Variants in SGCE observed in about 807,000 individuals in gnomAD.
SGCE encodes the protein sarcoglycan epsilon.
Under a neutral mutation model 57.8 loss-of-function variants are expected in SGCE, and 26 were observed. The ratio of observed to expected loss-of-function variants is 0.45; its 90% confidence interval spans 0.33 to 0.62. SGCE has a LOEUF of 0.62. SGCE is among the 20% of genes least tolerant of loss of function. SGCE has a pLI of 0.02. For synonymous variants in SGCE, 183 were observed against 189.5 expected, an observed-to-expected ratio of 0.97 and a Z score of 0.28; for missense variants, 468 against 548.6, an observed-to-expected ratio of 0.85 and a Z score of 1.47.
chr7:94,597,106 A>G (rs1798516630), intron 9 of SGCE: 1 of 152,104 alleles, frequency 6.6e-6, no homozygotes. Flanking sequence ...ACCACCAGAG[A>G]GCATAGAAAC....
chr7:94,612,084 T>G (rs1801128828), intron 5 of SGCE, among the ~76,000 whole-genome samples: 1 of 152,212 alleles, frequency 6.6e-6, no homozygotes, highest in Non-Finnish European at 1.5e-5. Context: ...TTTTCCTTGG[T>G]AATTGTGAAA....
chr7:94,633,414 G>C (rs950179139), intron 1 of SGCE, among the ~76,000 whole-genome samples: 9 of 152,062 alleles, frequency 5.9e-5, no homozygotes, highest in Non-Finnish European at 5.9e-5. Context: ...GAGCCAAAGG[G>C]TTATGTAAGC....
intron 1 of SGCE, among the ~76,000 whole-genome samples, chr7:94,646,891 T>C (rs549072054): frequency 3.3e-5 from 5 of 152,350 alleles, no homozygotes; most frequent in Admixed American, 6.5e-5. Context: ...TCCAATAGTA[T>C]AACCAGGAGG....
intron 4 of SGCE, chr7:94,621,304 CACAAAAAGCAGAGGA>C (rs1261036866): frequency 6.6e-6 from 1 of 152,242 alleles, no homozygotes; most frequent in Non-Finnish European, 1.5e-5. Context: ...ACTAACCCTA[CACAAAAAGCAGAGGA>C]ACAAGCACTG....
chr7:94,595,378 C>G (rs1272640097), intron 9 of SGCE, among the ~76,000 whole-genome samples: 3 of 152,018 alleles, frequency 2.0e-5, no homozygotes, highest in Non-Finnish European at 4.4e-5. Context: ...AAACCTTTAG[C>G]CATATCCATG....
intron 1 of SGCE, among the ~76,000 whole-genome samples, chr7:94,632,862 T>C (rs35169617): frequency 1.7e-3 from 263 of 152,110 alleles, no homozygotes; most frequent in Middle Eastern, 3.4e-3. Flanking sequence ...GTGAGCTATA[T>C]AAATAAAGCT....
Position 94,599,692 on chromosome 7 carries a change from C to G in SGCE, c.1064+5G>C, listed in dbSNP as rs767951166. 5.0e-6 allele frequency: 8 copies of G among 1,609,560 alleles called. No individual in the cohort carries two copies. Among genetic ancestry groups the G allele is most frequent in the Non-Finnish European group, 6.8e-6 (8 of 1,176,276 alleles). ...GAAGAAAATAACAGGAAAGAAGACACTTACTCTGGTGTTTGCATGTTTCTC... is the reference window on the plus strand; with the variant it reads ...GAAGAAAATAACAGGAAAGAAGACAGTTACTCTGGTGTTTGCATGTTTCTC... On this transcript the variant is annotated splice_donor_5th_base_variant and intron_variant, in intron 8 of 10. Coordinates refer to ENST00000648936, the MANE Select transcript of SGCE (RefSeq NM_003919.3).
intron 4 of SGCE, chr7:94,619,627 TC>T (rs1802471735): frequency 2.0e-5 from 3 of 152,242 alleles, no homozygotes; most frequent in African/African-American, 7.2e-5. Flanking sequence ...CTAATTGTTC[TC>T]TTACGATAAA....
chr7:94,606,776 G>T (rs899621660), intron 5 of SGCE, among the ~76,000 whole-genome samples: 4 of 152,102 alleles, frequency 2.6e-5, no homozygotes, highest in Admixed American at 6.5e-5. Flanking sequence ...CTCAGACCCC[G>T]GTAGAATTAA....
At chr7:94,595,207 T>C (rs1798218948) in intron 9 of SGCE, among the ~76,000 whole-genome samples, 1 of 152,170 alleles carries the variant, frequency 6.6e-6, no homozygotes, top group Non-Finnish European at 1.5e-5. Context: ...AAAAAGAAAA[T>C]ATTACTATGT....
At chr7:94,629,993 T>C in intron 1 of SGCE, 152 bp from the exon 2 acceptor site, 1 of 845,254 alleles carries the variant, frequency 1.2e-6, no homozygotes, top group Non-Finnish European at 1.8e-6. Context: ...TTAATAACAA[T>C]TTGTTTTAAA....
intron 1 of SGCE, chr7:94,644,787 C>A: frequency 4.1e-6 from 1 of 246,126 alleles, no homozygotes; most frequent in Non-Finnish European, 8.3e-6. Context: ...TGACCCTCTA[C>A]ATTTTTCTCT....
At chr7:94,601,443 CAAAA>C (rs71123905) in intron 6 of SGCE, among the ~76,000 whole-genome samples, 2,266 of 87,610 alleles carry the variant, frequency 0.026, 4 homozygotes, top group East Asian at 0.08. Flanking sequence ...ATCCCAGTAT[CAAAA>C]AAAAAAAAAA....
At chr7:94,592,953 A>G (rs1225132823) in intron 9 of SGCE, among the ~76,000 whole-genome samples, 3 of 152,122 alleles carry the variant, frequency 2.0e-5, no homozygotes, top group African/African-American at 7.2e-5. Context: ...ATATTTTTGG[A>G]AAACAATGGC....
intron 9 of SGCE, among the ~76,000 whole-genome samples, chr7:94,596,458 A>G (rs868309203): frequency 6.6e-6 from 1 of 152,142 alleles, no homozygotes; most frequent in East Asian, 1.9e-4. Flanking sequence ...CTAAAATTCT[A>G]CAGCACTGTT....
chr7:94,588,576 G>C, intron 10 of SGCE, 113 bp downstream of exon 10: 1 of 1,541,720 alleles, frequency 6.5e-7, no homozygotes, highest in Admixed American at 1.8e-5. Flanking sequence ...AATGACACAA[G>C]TGTTTTGCCT....
intron 1 of SGCE, among the ~76,000 whole-genome samples, chr7:94,642,565 G>A (rs545230821): frequency 1.6e-4 from 25 of 152,106 alleles, no homozygotes; most frequent in Non-Finnish European, 2.6e-4. Flanking sequence ...ACACAATTCC[G>A]TCAGGTAATT....
chr7:94,616,314 A>G (rs893238478), intron 5 of SGCE, among the ~76,000 whole-genome samples: 5 of 149,390 alleles, frequency 3.3e-5, no homozygotes, highest in African/African-American at 1.3e-4. Flanking sequence ...TGTGGCTGAC[A>G]TGTGTAATAA....
chr7:94,629,548 T>C (rs963597430), intron 2 of SGCE, 171 bp downstream of exon 2: 2 of 639,346 alleles, frequency 3.1e-6, no homozygotes, highest in African/African-American at 1.9e-5. Flanking sequence ...ATTATTTTTG[T>C]CTGTAATTAA....
Sources: gnomAD v4.1 joint callset for allele counts (sites outside exome capture counted in the v4.1 genomes callset) on GRCh38, gnomAD v4.1.1 for gene constraint, MANE v1.5 for transcripts, NCBI Gene and HGNC (gene_info 2026-07-23, HGNC 2026-07-21) for gene names.